PALM: variants seen among roughly 807,000 people sequenced by gnomAD.
The protein encoded by PALM is paralemmin-1.
PALM carries 18 observed loss-of-function variants against 30.7 expected under a neutral mutation model. That is an observed-to-expected ratio of 0.59 (90% CI 0.41 to 0.87). The LOEUF (loss-of-function observed/expected upper bound fraction) is 0.87. PALM is among the 40% of genes least tolerant of loss of function. The pLI is 0.00. For synonymous variants in PALM, 286 were observed against 242.8 expected (o/e 1.18, Z -1.66); for missense variants, 529 against 555.4 (o/e 0.95, Z 0.48).
intron 3 of PALM, 139 bp from the exon 4 acceptor site, chr19:727,425 A>G (rs1269738530): frequency 3.0e-6 from 2 of 677,962 alleles, no homozygotes; most frequent in South Asian, 1.8e-5. Flanking sequence ...TGACCTCAGC[A>G]CTGATCCCAA....
At chr19:726,703 A>G (rs567468786) in intron 2 of PALM, among the ~76,000 whole-genome samples, 1 of 152,146 alleles carries the variant, frequency 6.6e-6, no homozygotes, top group Non-Finnish European at 1.5e-5. Flanking sequence ...GGGTTTCACC[A>G]TGTTGGCCAG....
chr19:721,165 A>G (rs186320709), intron 1 of PALM, among the ~76,000 whole-genome samples: 4 of 152,260 alleles, frequency 2.6e-5, no homozygotes, highest in African/African-American at 9.6e-5. Context: ...GAGTAGACCA[A>G]CGGGGGAAGT....
chr19:741,600 A>G (rs1004257290), intron 8 of PALM, among the ~76,000 whole-genome samples: 5 of 151,482 alleles, frequency 3.3e-5, no homozygotes, highest in African/African-American at 1.2e-4. Context: ...CAGGGAGTTG[A>G]GGAGCTGGGC....
In PALM at chr19:727,621, G is replaced by C. The variant is rs376927154; in HGVS notation, c.196G>C (p.Gly66Arg). 13 of 1,577,904 alleles carry C rather than the reference G, an allele frequency of 8.2e-6. No homozygotes were observed. Among genetic ancestry groups the C allele is most frequent in the Middle Eastern group, 1.7e-4 (1 of 6,036 alleles). The change falls in exon 4 of 9, where the codon GGG becomes CGG. Residue 66 changes from glycine to arginine, a missense_variant. Gly to Arg is a moderately radical substitution (Grantham distance 125). Coordinates refer to ENST00000338448, the MANE Select transcript of PALM (RefSeq NM_002579.3). Reference sequence around the variant, plus strand: ...GGGGACGCCGTCCTCGGCCTCAGAGGGGGATGAGGACCTGAGGAGGCAGAT... The same window carrying C: ...GGGGACGCCGTCCTCGGCCTCAGAGCGGGATGAGGACCTGAGGAGGCAGAT... Reference protein sequence around the residue: ...LEGTPSSASEGDEDLRRQMQD... With the variant: ...LEGTPSSASERDEDLRRQMQD...
Position 746,584 on chromosome 19 carries a change from G to T in PALM, c.934G>T (p.Ala312Ser), listed in dbSNP as rs574415213. 5 of 1,613,430 alleles carry T rather than the reference G, an allele frequency of 3.1e-6. No individual in the cohort carries two copies. In the South Asian group the frequency reaches 5.5e-5, roughly 18 times the overall value. Reference protein sequence around the residue: ...FMGYQNVEDEAETKKVLGLQD... With the variant: ...FMGYQNVEDESETKKVLGLQD... ...GGGTTACCAGAACGTGGAGGATGAG[G>T]CCGAGACCAAGAAGGTGCTGGGCCT... Residue 312 changes from alanine (A) to serine (S), a missense_variant, in exon 9 of 9, where the codon GCC becomes TCC. Coordinates refer to ENST00000338448, the MANE Select transcript of PALM (RefSeq NM_002579.3). This position sits in a 1 kb window ranked among gnomAD's most constrained non-coding sequence, Gnocchi z 7.1.
chr19:734,825 C>A (rs1360363898), intron 6 of PALM: 1 of 158,404 alleles, frequency 6.3e-6, no homozygotes, highest in Non-Finnish European at 1.4e-5. Context: ...GAGCGAGACC[C>A]TGTCTGTAAA....
In PALM at chr19:726,078, C is replaced by T. The variant is rs573750707; in HGVS notation, c.6-60C>T. ...GAAGAGGCAGAGCTGGGATTTGAACCGCGTCTGACGGACAGCAGGGCTCAG... is the reference window on the plus strand; with the variant it reads ...GAAGAGGCAGAGCTGGGATTTGAACTGCGTCTGACGGACAGCAGGGCTCAG... On this transcript the variant is annotated intron_variant, in intron 1 of 8. Coordinates refer to ENST00000338448, the MANE Select transcript of PALM (RefSeq NM_002579.3). 6.6e-5 allele frequency: 88 copies of T among 1,331,670 alleles called. 1 individual carries two copies. The East Asian group carries it at 8.3e-4, about 13-fold the overall frequency. The allele number at this position is 1,331,670 out of a possible 1,614,324, so 82.5% of individuals were successfully genotyped here.
At chr19:717,596 C>T (rs1255346514) in intron 1 of PALM, among the ~76,000 whole-genome samples, 1 of 152,040 alleles carries the variant, frequency 6.6e-6, no homozygotes, top group Non-Finnish European at 1.5e-5. Flanking sequence ...GTAGTTACCC[C>T]CCGAGATGGT....
intron 5 of PALM, among the ~76,000 whole-genome samples, chr19:732,621 G>C (rs937728150): frequency 6.6e-6 from 1 of 152,236 alleles, no homozygotes; most frequent in East Asian, 1.9e-4. Context: ...TTGTACCCAG[G>C]GGGCAGAGGT....
intron 1 of PALM, among the ~76,000 whole-genome samples, chr19:723,418 C>T (rs2032559957): frequency 6.6e-6 from 1 of 152,098 alleles, no homozygotes. Context: ...GCCCGTCAGC[C>T]TGGGCCTCCC....
At position 735,665 on chromosome 19, in the gene PALM, C is replaced by T. The variant is rs12975809; in HGVS notation, c.443-354C>T. Among the ~76,000 whole-genome samples the T allele has an allele frequency of 9.4e-4, 28 of 29,924 alleles. 5 individuals are homozygous for T. Among genetic ancestry groups the T allele is most frequent in the Non-Finnish European group, 7.8e-4 (12 of 15,418 alleles). The allele number at this position is 29,924 out of a possible 152,430, so 19.6% of individuals were successfully genotyped here. On this transcript the variant is annotated intron_variant, in intron 6 of 8. Coordinates refer to ENST00000338448, the MANE Select transcript of PALM (RefSeq NM_002579.3). The stretch of plus-strand genomic sequence containing the variant: ...TGTGTCCGGGTGTCTGGGTGGGATC[C>T]GTGTGTCTGAGGGCCCAGGTGCCTG...
intron 8 of PALM, 149 bp downstream of exon 8, chr19:740,632 C>T (rs2033161037): frequency 1.3e-6 from 1 of 742,470 alleles, no homozygotes; most frequent in Admixed American, 3.0e-5. Context: ...GGGCCTCACC[C>T]CCTGTGGCCC....
rs574969999 is a variant in PALM at position 728,006 on chromosome 19, T to C, written c.269+312T>C. On this transcript the variant is annotated intron_variant, in intron 4 of 8. Coordinates refer to ENST00000338448, the MANE Select transcript of PALM (RefSeq NM_002579.3). ...ACGTGGCGTCGAGCTCCTGGGTCCC[T>C]GGAGCTGGCCAGCGGGGGACGTGAC... is the stretch of plus-strand genomic sequence containing the variant. The C allele has an allele frequency of 3.9e-5, 8 of 204,826 alleles. No individual in the cohort carries two copies. The South Asian group carries it at 6.5e-4, about 17-fold the overall frequency. 12.7% of individuals were successfully genotyped at this position (204,826 alleles called of 1,614,324 possible).
At chr19:733,075 C>T (rs1032328668) in intron 5 of PALM, among the ~76,000 whole-genome samples, 1 of 152,030 alleles carries the variant, frequency 6.6e-6, no homozygotes, top group East Asian at 1.9e-4. Flanking sequence ...TGCAGGCGCC[C>T]GCCACCACGC....
At chr19:715,620 C>G (rs533106030) in intron 1 of PALM, among the ~76,000 whole-genome samples, 2 of 152,138 alleles carry the variant, frequency 1.3e-5, no homozygotes, top group Non-Finnish European at 2.9e-5. Flanking sequence ...TTTGTTCCTG[C>G]TAGGCCTTGA....
chr19:726,267 G>A (rs2032659612), intron 2 of PALM, 78 bp downstream of exon 2: 2 of 1,215,610 alleles, frequency 1.6e-6, no homozygotes, highest in East Asian at 4.7e-5. Context: ...CCCTGGACCT[G>A]TCCTAGGACC....
chr19:726,883 C>T, intron 2 of PALM, 125 bp from the exon 3 acceptor site: 2 of 645,326 alleles, frequency 3.1e-6, no homozygotes, highest in Middle Eastern at 4.1e-4. Flanking sequence ...CACCTGGAAG[C>T]CAGTGGGCCA....
At chr19:738,253 G>A (rs1189873710) in intron 7 of PALM, among the ~76,000 whole-genome samples, 2 of 152,028 alleles carry the variant, frequency 1.3e-5, no homozygotes, top group South Asian at 2.1e-4. Flanking sequence ...TTAGCCAGGC[G>A]TGGTGGCTCA....
At position 719,474 on chromosome 19, in the gene PALM, G is replaced by A. The variant is rs555080167; in HGVS notation, c.6-6664G>A. 74 of 985,280 alleles carry A rather than the reference G, an allele frequency of 7.5e-5. No homozygotes were observed. The South Asian group carries it at 1.0e-3, about 14-fold the overall frequency. The allele number at this position is 985,280 out of a possible 1,614,324, so 61.0% of individuals were successfully genotyped here. ...GAGGCCTGTGCGCGCCGGGGTGGGCGTCGGGCGGGGGGCGTGGCGCTCCAG... is the reference window on the plus strand; with the variant it reads ...GAGGCCTGTGCGCGCCGGGGTGGGCATCGGGCGGGGGGCGTGGCGCTCCAG... On this transcript the variant is annotated intron_variant, in intron 1 of 8. Coordinates refer to ENST00000338448, the MANE Select transcript of PALM (RefSeq NM_002579.3).
Sources: gnomAD v4.1 joint callset for allele counts (sites outside exome capture counted in the v4.1 genomes callset) on GRCh38, gnomAD v4.1.1 for gene constraint, Gnocchi (gnomAD v3.1) non-coding constraint, MANE v1.5 for transcripts, NCBI Gene and HGNC (gene_info 2026-07-23, HGNC 2026-07-21) for gene names.